The following CADM2 variants were observed in gnomAD, a reference collection of about 807,000 sequenced individuals.
CADM2 encodes the protein immunoglobulin superfamily member 4D.
CADM2 carries 12 observed loss-of-function variants against 49.8 expected under a neutral mutation model. The ratio of observed to expected loss-of-function variants is 0.24; its 90% confidence interval spans 0.15 to 0.39. CADM2 has a LOEUF of 0.39. Ranked by LOEUF, CADM2 falls within the 10% of genes least tolerant of loss-of-function variation. CADM2 has a pLI of 1.00. For missense variants in CADM2, 378 were observed against 492.3 expected (o/e 0.77, Z 2.20); for synonymous variants, 214 against 175.4 (o/e 1.22, Z -1.74).
rs143073475 is a variant in CADM2, at chr3:85,515,725, C to T, written c.62-210797C>T. Among the ~76,000 whole-genome samples the T allele has an allele frequency of 1.5e-3, 224 of 151,302 alleles. 2 individuals carry two copies. The East Asian group carries it at 0.04, about 27-fold the overall frequency. On this transcript the variant is annotated intron_variant, in intron 1 of 9. Coordinates refer to ENST00000383699, the MANE Select transcript of CADM2 (RefSeq NM_001167675.2). ...AACTCCTGACCTCGTGGTCCGCCCA[C>T]CTCAGCCTCCCAAAGTCCTGGGATT...
chr3:85,632,371 CATT>C (rs1483584664), intron 1 of CADM2, among the ~76,000 whole-genome samples: 1 of 152,022 alleles, frequency 6.6e-6, no homozygotes, highest in Non-Finnish European at 1.5e-5. Context: ...TTGGGTATGT[CATT>C]ATCAGCAGTG....
intron 1 of CADM2, among the ~76,000 whole-genome samples, chr3:85,699,595 C>G (rs1323560897): frequency 6.6e-6 from 1 of 152,232 alleles, no homozygotes; most frequent in African/African-American, 2.4e-5. Flanking sequence ...TGAGCTTTAC[C>G]TGGGCCTCTT....
At chr3:85,123,847 A>G (rs889775349) in intron 1 of CADM2, among the ~76,000 whole-genome samples, 7 of 152,202 alleles carry the variant, frequency 4.6e-5, no homozygotes, top group African/African-American at 1.7e-4. Flanking sequence ...AGTTGGTTTC[A>G]AAGCAAAAAT....
chr3:85,477,827 A>T (rs1439564796), intron 1 of CADM2, among the ~76,000 whole-genome samples: 3 of 151,822 alleles, frequency 2.0e-5, no homozygotes, highest in Non-Finnish European at 4.4e-5. Flanking sequence ...TTTAGCAGAA[A>T]CTCCATCTGG....
chr3:85,884,864 A>G (rs950268459), intron 4 of CADM2, among the ~76,000 whole-genome samples: 13 of 149,056 alleles, frequency 8.7e-5, no homozygotes, highest in Admixed American at 7.4e-4. Flanking sequence ...AGCTGGGATT[A>G]CAGGCACCTG....
At chr3:86,014,714 C>G in intron 8 of CADM2, 1 of 1,520,842 alleles carries the variant, frequency 6.6e-7, no homozygotes. Flanking sequence ...ACCATGCTGA[C>G]ATGTGTAGAA....
At chr3:85,389,778 G>C (rs2034430809) in intron 1 of CADM2, among the ~76,000 whole-genome samples, 2 of 151,958 alleles carry the variant, frequency 1.3e-5, no homozygotes, top group South Asian at 4.1e-4. Context: ...GAAAAACAAT[G>C]GATTGCCTTC....
chr3:85,150,730 G>A (rs1215882055), intron 1 of CADM2, among the ~76,000 whole-genome samples: 4 of 150,362 alleles, frequency 2.7e-5, no homozygotes, highest in African/African-American at 7.3e-5. Context: ...TAGTGAAACC[G>A]TCTCTACTAA....
intron 1 of CADM2, among the ~76,000 whole-genome samples, chr3:85,195,792 G>T (rs1322302992): frequency 1.3e-5 from 2 of 151,794 alleles, no homozygotes; most frequent in Non-Finnish European, 2.9e-5. Context: ...AAATAAAAGG[G>T]CTAAGTATCA....
chr3:85,979,430 T>G (rs1483494475), intron 8 of CADM2: 3 of 855,382 alleles, frequency 3.5e-6, no homozygotes, highest in Non-Finnish European at 5.2e-6. Context: ...ATTAGGGTTA[T>G]TGGAATAGAA....
chr3:85,105,236 A>C (rs2038166721), intron 1 of CADM2, among the ~76,000 whole-genome samples: 1 of 152,144 alleles, frequency 6.6e-6, no homozygotes, highest in South Asian at 2.1e-4. Flanking sequence ...AATGAACTCA[A>C]ACAAATTTAC....
chr3:85,957,315 T>A (rs1283495540), intron 7 of CADM2, among the ~76,000 whole-genome samples: 1 of 151,678 alleles, frequency 6.6e-6, no homozygotes, highest in Non-Finnish European at 1.5e-5. Flanking sequence ...ATTATTATAT[T>A]TTTCCAATAT....
intron 1 of CADM2, among the ~76,000 whole-genome samples, chr3:85,409,484 T>A (rs547247994): frequency 1.3e-5 from 2 of 152,202 alleles, no homozygotes; most frequent in East Asian, 3.9e-4. Flanking sequence ...TGCAGAGATA[T>A]GGTCAGGGGC....
rs1444849872 is a variant in CADM2, at chr3:84,959,554, C to T, written c.-54C>T. The stretch of plus-strand genomic sequence containing the variant: ...GAGCCCTGCACTCTCGTGCCCCGCT[C>T]ACCAGCATCTACTTGCCCCCTCGTT... On this transcript the variant is annotated 5_prime_UTR_variant, in exon 1 of 10. Transcript: ENST00000383699. 1 of 1,493,230 alleles carries T rather than the reference C, an allele frequency of 6.7e-7. No homozygotes were observed. Among genetic ancestry groups the T allele is most frequent in the African/African-American group, 1.4e-5 (1 of 72,114 alleles). The allele number at this position is 1,493,230 out of a possible 1,614,324, so 92.5% of individuals were successfully genotyped here.
intron 1 of CADM2, among the ~76,000 whole-genome samples, chr3:84,988,341 A>T (rs1427808709): frequency 6.6e-6 from 1 of 152,194 alleles, no homozygotes; most frequent in East Asian, 1.9e-4. Flanking sequence ...CTTTGGCCTT[A>T]GGCCAAGTTC....
intron 7 of CADM2, among the ~76,000 whole-genome samples, chr3:85,943,104 C>G (rs976609498): frequency 5.3e-5 from 8 of 151,820 alleles, no homozygotes; most frequent in East Asian, 1.9e-4. Context: ...AACATTTTTT[C>G]ATGTGTTTTT....
chr3:85,152,231 G>T (rs999016554), intron 1 of CADM2, among the ~76,000 whole-genome samples: 2 of 152,034 alleles, frequency 1.3e-5, no homozygotes, highest in Non-Finnish European at 2.9e-5. Context: ...TGTAAAGTTG[G>T]TTTACTTTCA....
At chr3:85,854,325 C>A (rs2075221860) in intron 3 of CADM2, among the ~76,000 whole-genome samples, 1 of 152,126 alleles carries the variant, frequency 6.6e-6, no homozygotes, top group Non-Finnish European at 1.5e-5. Context: ...AAGACACATG[C>A]ACTCGTATGT....
intron 2 of CADM2, among the ~76,000 whole-genome samples, chr3:85,795,919 A>G (rs2108049035): frequency 6.6e-6 from 1 of 152,328 alleles, no homozygotes; most frequent in East Asian, 1.9e-4. Context: ...CAAATGGTTC[A>G]TTGACTTTGT....
Sources: gnomAD v4.1 joint callset for allele counts (sites outside exome capture counted in the v4.1 genomes callset) on GRCh38, gnomAD v4.1.1 for gene constraint, MANE v1.5 for transcripts, NCBI Gene and HGNC (gene_info 2026-07-23, HGNC 2026-07-21) for gene names.